TMEM267: variants seen among roughly 807,000 people sequenced by gnomAD.
TMEM267 encodes transmembrane protein C5orf28.
A neutral mutation model predicts 19.3 loss-of-function variants in TMEM267; 20 were observed. The ratio of observed to expected loss-of-function variants is 1.04; its 90% confidence interval spans 0.73 to 1.51. The LOEUF is 1.51. TMEM267 is among the 40% of genes most tolerant of loss of function. TMEM267 has a pLI of 0.00. For missense variants in TMEM267, 242 were observed against 261.9 expected, an observed-to-expected ratio of 0.92 and a Z score of 0.52; for synonymous variants, 88 against 90.3, an observed-to-expected ratio of 0.97 and a Z score of 0.15.
At chr5:43,447,370 G>T (rs940875074) in intron 2 of TMEM267, among the ~76,000 whole-genome samples, 1 of 152,080 alleles carries the variant, frequency 6.6e-6, no homozygotes, top group Admixed American at 6.5e-5. Flanking sequence ...GATTACAGAC[G>T]TGAGCCATGA....
intron 1 of TMEM267, among the ~76,000 whole-genome samples, chr5:43,460,455 CA>C (rs777276788): frequency 3.3e-5 from 5 of 151,806 alleles, no homozygotes; most frequent in Non-Finnish European, 7.4e-5. Flanking sequence ...ACTATCTACA[CA>C]GAAAAAAAAT....
chr5:43,448,741 A>G (rs1377979425), intron 2 of TMEM267, among the ~76,000 whole-genome samples: 5 of 151,490 alleles, frequency 3.3e-5, no homozygotes, highest in Non-Finnish European at 1.5e-5. Context: ...ATACCGTTGC[A>G]CTCCAGCCTG....
Position 43,446,504 on chromosome 5 carries a change from G to A in TMEM267, c.366C>T (p.Pro122=), listed in dbSNP as rs146367439. ...TAAATTTCAGGGTCAGAACCACAAC[G>A]GGAATCACAGTAGAACAGTGAAGGA... ...RPFLHCSTVI[P]VVVLTLKFTM... The change falls in exon 3 of 3, where the codon CCC becomes CCT. Residue 122 remains proline (P), a synonymous_variant. Coordinates refer to ENST00000397080, the MANE Select transcript of TMEM267 (RefSeq NM_022483.5). The A allele has an allele frequency of 1.0e-4, 169 of 1,613,868 alleles. No individual in the cohort carries two copies. Among genetic ancestry groups the A allele is most frequent in the Non-Finnish European group, 8.8e-5 (104 of 1,179,936 alleles).
chr5:43,479,787 A>C, intron 1 of TMEM267: 1 of 380,504 alleles, frequency 2.6e-6, no homozygotes, highest in African/African-American at 2.2e-5. Context: ...TAAAGCATTA[A>C]GATGGATTAT....
At position 43,445,178 on chromosome 5, in the gene TMEM267, GGAATCATTTTAATAGAA is replaced by G. The variant is rs1742175621; in HGVS notation, c.*1027_*1043del. On this transcript the variant is annotated 3_prime_UTR_variant, in exon 3 of 3. Transcript: ENST00000397080. Reference sequence around the variant, plus strand: ...CTAAATTTTCCTTCTCTAATAAAGAGGAATCATTTTAATAGAAGATCAACCTGAAAGAAAAAGGAAAA... The same window carrying G: ...CTAAATTTTCCTTCTCTAATAAAGAGGATCAACCTGAAAGAAAAAGGAAAA... 6.6e-6 allele frequency: 1 copy of G among 151,764 alleles called. No individual in the cohort carries two copies. The allele number at this position is 151,764 out of a possible 1,614,324, so 9.4% of individuals were successfully genotyped here.
intron 1 of TMEM267, among the ~76,000 whole-genome samples, chr5:43,460,643 G>A (rs190026840): frequency 6.6e-6 from 1 of 152,174 alleles, no homozygotes; most frequent in Non-Finnish European, 1.5e-5. Flanking sequence ...GTGGGGCAGA[G>A]AGCATCTCTG....
At chr5:43,484,210 T>A (rs980369024), upstream of TMEM267, 1 of 152,280 alleles carries the variant, frequency 6.6e-6, no homozygotes, top group Admixed American at 6.5e-5. Flanking sequence ...GCCCGGAAGC[T>A]GGGGATAGAA....
In TMEM267 at chr5:43,462,847, A is replaced by G. The variant is rs1321736405; in HGVS notation, c.-74-8804T>C. Among the ~76,000 whole-genome samples the G allele has an allele frequency of 2.0e-5, 3 of 152,336 alleles. No homozygotes were observed. The East Asian group carries it at 5.8e-4, about 29-fold the overall frequency. ...ATTGGCAGAAAGCAGGAAAGACCCA[A>G]AATTGACACCCTAACATCACAATTA... is the stretch of plus-strand genomic sequence containing the variant. On this transcript the variant is annotated intron_variant, in intron 1 of 2. Transcript: ENST00000397080.
chr5:43,474,734 G>A (rs559758571), intron 1 of TMEM267, among the ~76,000 whole-genome samples: 10 of 147,864 alleles, frequency 6.8e-5, no homozygotes, highest in Non-Finnish European at 1.0e-4. Flanking sequence ...ACTCCAGCCC[G>A]GGCAACAAGA....
chr5:43,461,640 G>A (rs548767811), intron 1 of TMEM267, among the ~76,000 whole-genome samples: 1 of 152,266 alleles, frequency 6.6e-6, no homozygotes, highest in South Asian at 2.1e-4. Flanking sequence ...GGCATTAGCA[G>A]TGTTCTGGCA....
At chr5:43,474,179 C>T (rs1025559212) in intron 1 of TMEM267, among the ~76,000 whole-genome samples, 4 of 152,114 alleles carry the variant, frequency 2.6e-5, no homozygotes, top group Non-Finnish European at 5.9e-5. Flanking sequence ...AAAACCTAGG[C>T]AATTTAGGAC....
chr5:43,455,241 T>C (rs534349502), intron 1 of TMEM267, among the ~76,000 whole-genome samples: 12 of 151,930 alleles, frequency 7.9e-5, no homozygotes, highest in African/African-American at 2.9e-4. Context: ...CTGGGCAACA[T>C]AGTGAGACAC....
chr5:43,449,283 G>GA (rs1388836129), intron 2 of TMEM267, among the ~76,000 whole-genome samples: 1 of 151,324 alleles, frequency 6.6e-6, no homozygotes, highest in Non-Finnish European at 1.5e-5. Context: ...AGAAAGAAAA[G>GA]AAAAAATGCA....
intron 2 of TMEM267, among the ~76,000 whole-genome samples, chr5:43,450,290 C>T (rs1742507072): frequency 6.6e-6 from 1 of 151,910 alleles, no homozygotes; most frequent in Non-Finnish European, 1.5e-5. Flanking sequence ...CTGCGCCTGG[C>T]CTTTGATTTT....
At chr5:43,461,666 T>C (rs1205239227) in intron 1 of TMEM267, among the ~76,000 whole-genome samples, 1 of 152,068 alleles carries the variant, frequency 6.6e-6, no homozygotes, top group African/African-American at 2.4e-5. Flanking sequence ...CTTTGTGACC[T>C]GGGGTGGTGG....
upstream of TMEM267, chr5:43,484,194 G>A (rs1744987812): frequency 6.6e-6 from 1 of 152,304 alleles, no homozygotes; most frequent in South Asian, 2.1e-4. Flanking sequence ...ACGCACCCAA[G>A]TGGTGGCCCG....
At chr5:43,466,767 G>A (rs1170303386) in intron 1 of TMEM267, among the ~76,000 whole-genome samples, 2 of 151,890 alleles carry the variant, frequency 1.3e-5, no homozygotes, top group African/African-American at 4.8e-5. Flanking sequence ...CAAAAAACAT[G>A]CAATGAATAC....
intron 1 of TMEM267, among the ~76,000 whole-genome samples, chr5:43,468,254 C>T (rs748505914): frequency 2.0e-5 from 3 of 152,100 alleles, no homozygotes; most frequent in Admixed American, 6.5e-5. Context: ...AGGTGAAAGA[C>T]GCGGGGCTTT....
At chr5:43,451,926 A>G (rs1018675073) in intron 2 of TMEM267, among the ~76,000 whole-genome samples, 8 of 151,884 alleles carry the variant, frequency 5.3e-5, no homozygotes, top group African/African-American at 1.9e-4. Context: ...AATTTTTTAA[A>G]AATTAGCCTG....
Sources: gnomAD v4.1 joint callset for allele counts (sites outside exome capture counted in the v4.1 genomes callset) on GRCh38, gnomAD v4.1.1 for gene constraint, MANE v1.5 for transcripts, NCBI Gene and HGNC (gene_info 2026-07-23, HGNC 2026-07-21) for gene names.